DAPK1: variants seen among roughly 807,000 people sequenced by gnomAD.
The protein encoded by DAPK1 is death-associated protein kinase 1.
In DAPK1, 56 loss-of-function variants were observed where a neutral mutation model predicts 144.9. That is an observed-to-expected ratio of 0.39 (90% CI 0.31 to 0.48). The LOEUF (loss-of-function observed/expected upper bound fraction) is 0.48. Among genes scored for constraint, DAPK1 ranks in the 20% least tolerant of loss-of-function variants. DAPK1 has a pLI of 0.95. For missense variants in DAPK1, 1,454 were observed against 1,875.4 expected (o/e 0.78, Z 4.15); for synonymous variants, 690 against 749.0 (o/e 0.92, Z 1.29).
intron 21 of DAPK1, among the ~76,000 whole-genome samples, chr9:87,687,441 T>A (rs576012599): frequency 1.3e-5 from 2 of 152,356 alleles, no homozygotes; most frequent in Admixed American, 6.5e-5. Flanking sequence ...TCCAGTTCTA[T>A]CCATGTTGCT....
chr9:87,538,581 G>A (rs1031546995), intron 2 of DAPK1, among the ~76,000 whole-genome samples: 3 of 152,150 alleles, frequency 2.0e-5, no homozygotes, highest in African/African-American at 7.2e-5. Context: ...CGGGTTGTTA[G>A]AACAAAAATT....
chr9:87,613,762 GCCCTTCAGTCT>G (rs919902583), intron 3 of DAPK1, among the ~76,000 whole-genome samples: 6 of 152,342 alleles, frequency 3.9e-5, no homozygotes, highest in African/African-American at 1.4e-4. Context: ...GTGGCACAGA[GCCCTTCAGTCT>G]CCCTGTCTCT....
intron 2 of DAPK1, among the ~76,000 whole-genome samples, chr9:87,581,218 A>G (rs1168385247): frequency 1.3e-5 from 2 of 152,164 alleles, no homozygotes; most frequent in Non-Finnish European, 2.9e-5. Flanking sequence ...TTGGACACAC[A>G]CTGCTTTCCT....
chr9:87,658,238 C>T (rs919077803), intron 18 of DAPK1, 111 bp downstream of exon 18: 2 of 612,228 alleles, frequency 3.3e-6, no homozygotes, highest in Admixed American at 5.7e-5. Context: ...AGCAGCCAGG[C>T]TGCTGTTCAG....
intron 2 of DAPK1, among the ~76,000 whole-genome samples, chr9:87,510,002 T>G (rs548550268): frequency 6.6e-6 from 1 of 152,316 alleles, no homozygotes; most frequent in Non-Finnish European, 1.5e-5. Context: ...TATTTACAGT[T>G]CGCCCATTTA....
chr9:87,621,781 C>T, intron 3 of DAPK1, among the ~76,000 whole-genome samples: 1 of 152,124 alleles, frequency 6.6e-6, no homozygotes, highest in East Asian at 1.9e-4. Flanking sequence ...TTTAACTTCA[C>T]CTGAAGTGGA....
chr9:87,639,449 A>G lies in DAPK1; in HGVS notation c.519A>G (p.Glu173=). 1 of 1,613,526 alleles carries G rather than the reference A, an allele frequency of 6.2e-7. No individual in the cohort carries two copies. Among genetic ancestry groups the G allele is most frequent in the East Asian group, 2.2e-5 (1 of 44,868 alleles). The part of the protein sequence containing the change: ...GLAHKIDFGN[E]FKNIFGTPEF... ...CCCATAAAATTGACTTTGGAAATGA[A>G]TTTAAAAACATATTTGGGACTCCAG... Residue 173 remains glutamate (E), a synonymous_variant, in exon 5 of 26, where the codon GAA becomes GAG. Transcript: ENST00000408954.
intron 2 of DAPK1, among the ~76,000 whole-genome samples, chr9:87,535,052 A>T (rs1825815943): frequency 6.6e-6 from 1 of 152,146 alleles, no homozygotes; most frequent in South Asian, 2.1e-4. Context: ...AATCCTCACC[A>T]TCAGTTCTTA....
chr9:87,509,134 G>A (rs2118086598), intron 2 of DAPK1, among the ~76,000 whole-genome samples: 1 of 152,262 alleles, frequency 6.6e-6, no homozygotes, highest in Non-Finnish European at 1.5e-5. Context: ...AAGCTGTTTG[G>A]CTTTATAAAA....
chr9:87,594,032 A>G (rs1828232296), intron 2 of DAPK1, among the ~76,000 whole-genome samples: 1 of 152,204 alleles, frequency 6.6e-6, no homozygotes, highest in African/African-American at 2.4e-5. Context: ...GGAGCAGCCA[A>G]TCCTGGCATA....
rs35183075 is a variant in DAPK1, at chr9:87,580,747, A to G, written c.63-24207A>G. Among the ~76,000 whole-genome samples, 865 of 152,280 alleles carry G rather than the reference A, an allele frequency of 5.7e-3. 4 individuals carry two copies. Among genetic ancestry groups the G allele is most frequent in the Non-Finnish European group, 9.2e-3 (628 of 68,024 alleles). Reference sequence around the variant, plus strand: ...CGCTTTGGCCTTATGTGATATCCCAATAGTGATTAAATTGCCCCTGTAAAG... The same window carrying G: ...CGCTTTGGCCTTATGTGATATCCCAGTAGTGATTAAATTGCCCCTGTAAAG... On this transcript the variant is annotated intron_variant, in intron 2 of 25. Coordinates refer to ENST00000408954, the MANE Select transcript of DAPK1 (RefSeq NM_004938.4).
intron 21 of DAPK1, 114 bp from the exon 22 acceptor site, chr9:87,696,893 G>C (rs539606185): frequency 8.1e-6 from 6 of 742,716 alleles, no homozygotes; most frequent in South Asian, 7.6e-5. Context: ...ACATACAGAA[G>C]AATGCCATAA....
chr9:87,681,899 C>T lies in DAPK1; in HGVS notation c.2224+273C>T, dbSNP rs1824644011. 5.7e-6 allele frequency: 3 copies of T among 528,750 alleles called. No homozygotes were observed. The South Asian group carries it at 6.3e-5, about 11-fold the overall frequency. The allele number at this position is 528,750 out of a possible 1,614,324, so 32.8% of individuals were successfully genotyped here. A position where few individuals can be genotyped will look rare whatever the true frequency, so the allele number is the denominator to read the frequency against. On this transcript the variant is annotated intron_variant, in intron 20 of 25. Transcript: ENST00000408954. ...AGGTCCATCCTCATAAATGTGCAAA[C>T]TGCAGAATTTGCACAGTCAGCTTTG...
At chr9:87,640,916 T>C (rs1023457804) in intron 9 of DAPK1, 69 bp downstream of exon 9, 4 of 1,446,260 alleles carry the variant, frequency 2.8e-6, no homozygotes, top group Middle Eastern at 1.7e-4. Context: ...CTGGTATTCA[T>C]GTATCATAGA....
chr9:87,608,649 A>G (rs993646613), intron 3 of DAPK1, among the ~76,000 whole-genome samples: 1 of 152,164 alleles, frequency 6.6e-6, no homozygotes, highest in Non-Finnish European at 1.5e-5. Context: ...CTGTTTTTCA[A>G]TTGTAGGCTT....
chr9:87,582,999 C>T lies in DAPK1; in HGVS notation c.63-21955C>T, dbSNP rs558336304. Among the ~76,000 whole-genome samples the T allele has an allele frequency of 2.2e-4, 34 of 152,152 alleles. No homozygotes were observed. In the South Asian group the frequency reaches 5.8e-3, roughly 26 times the overall value. On this transcript the variant is annotated intron_variant, in intron 2 of 25. Coordinates refer to ENST00000408954, the MANE Select transcript of DAPK1 (RefSeq NM_004938.4). ...GATTCCTTCATCTTTTGTCAAGAAG[C>T]GGTTGACCTCTGCGATCTCGGGATT...
intron 19 of DAPK1, among the ~76,000 whole-genome samples, chr9:87,673,002 A>G (rs1014278182): frequency 6.6e-6 from 1 of 152,154 alleles, no homozygotes; most frequent in Non-Finnish European, 1.5e-5. Context: ...AGAGCATCTT[A>G]GGACCATTTT....
intron 19 of DAPK1, among the ~76,000 whole-genome samples, chr9:87,679,548 C>CT (rs1824525480): frequency 6.6e-6 from 1 of 152,048 alleles, no homozygotes; most frequent in African/African-American, 2.4e-5. Flanking sequence ...GAACGCCTTG[C>CT]CTACACTATC....
intron 19 of DAPK1, among the ~76,000 whole-genome samples, chr9:87,670,044 C>T (rs888913652): frequency 6.6e-6 from 1 of 152,130 alleles, no homozygotes; most frequent in Non-Finnish European, 1.5e-5. Flanking sequence ...GCCTTACTCA[C>T]CTGTTCTTAC....
Sources: gnomAD v4.1 joint callset for allele counts (sites outside exome capture counted in the v4.1 genomes callset) on GRCh38, gnomAD v4.1.1 for gene constraint, MANE v1.5 for transcripts, NCBI Gene and HGNC (gene_info 2026-07-23, HGNC 2026-07-21) for gene names.